The following HDC variants were observed in gnomAD, a reference collection of about 807,000 sequenced individuals.
The protein encoded by HDC is histidine decarboxylase.
HDC carries 27 observed loss-of-function variants against 64.4 expected under a neutral mutation model. That is an observed-to-expected ratio of 0.42 (90% CI 0.31 to 0.58). The LOEUF (loss-of-function observed/expected upper bound fraction) is 0.58, where lower values mean the gene tolerates loss of function less well. HDC is among the 20% of genes least tolerant of loss of function. The pLI is 0.16. For missense variants in HDC, 711 were observed against 833.9 expected, an observed-to-expected ratio of 0.85 and a Z score of 1.81; for synonymous variants, 305 against 314.2, an observed-to-expected ratio of 0.97 and a Z score of 0.31.
intron 4 of HDC, 124 bp downstream of exon 4, chr15:50,257,301 G>A (rs1406091756): frequency 5.1e-6 from 6 of 1,172,086 alleles, no homozygotes; most frequent in South Asian, 1.2e-5. Context: ...GGTGCTGTTG[G>A]TGATGACGGT....
Position 50,254,292 on chromosome 15 carries a change from C to T in HDC, c.577-19G>A, listed in dbSNP as rs1385631841. On this transcript the variant is annotated intron_variant, in intron 5 of 11. Coordinates refer to ENST00000267845, the MANE Select transcript of HDC (RefSeq NM_002112.4). ...AGTGAGCCTAGAAGGGCCACAGAAA[C>T]CTGTCAGCAAAGAGTCATCCTGGAA... 6.2e-7 allele frequency: 1 copy of T among 1,613,894 alleles called. No homozygotes were observed. The highest frequency in any genetic ancestry group is 1.7e-5 in the Admixed American group (1 of 60,006).
chr15:50,251,961 C>T (rs2140932533), intron 9 of HDC, among the ~76,000 whole-genome samples: 1 of 152,298 alleles, frequency 6.6e-6, no homozygotes, highest in Non-Finnish European at 1.5e-5. Flanking sequence ...TCACACAAGT[C>T]CTGCAGCCCA....
rs868151394 is a variant in HDC at position 50,242,068 on chromosome 15, G to A, written c.*192C>T. The A allele has an allele frequency of 1.6e-6, 1 of 626,304 alleles. No individual in the cohort carries two copies. The highest frequency in any genetic ancestry group is 2.8e-6 in the Non-Finnish European group (1 of 354,404). The allele number at this position is 626,304 out of a possible 1,614,324, so 38.8% of individuals were successfully genotyped here. ...CTGACCAGACTGCTGAACCCATCTG[G>A]ATCATGCTGGCTTAAACTCTTCGTT... On this transcript the variant is annotated 3_prime_UTR_variant, in exon 12 of 12. Coordinates refer to ENST00000267845, the MANE Select transcript of HDC (RefSeq NM_002112.4).
At chr15:50,249,949 T>C (rs529315667) in intron 9 of HDC, among the ~76,000 whole-genome samples, 68 of 152,324 alleles carry the variant, frequency 4.5e-4, no homozygotes, top group Middle Eastern at 3.4e-3. Flanking sequence ...TCAAAAAATC[T>C]GGACGTATAA....
At chr15:50,254,378 G>A (rs2045598592) in intron 5 of HDC, 105 bp from the exon 6 acceptor site, 2 of 1,541,296 alleles carry the variant, frequency 1.3e-6, no homozygotes, top group East Asian at 2.2e-5. Flanking sequence ...ATCATTGGAA[G>A]CTTGTCTTCC....
In HDC at chr15:50,242,778, T is replaced by C. The variant is rs967530205; in HGVS notation, c.1471A>G (p.Ile491Val). ...GCTCTGGCACCCCTGATTTGGGAGA[T>C]GAGGTTCCCAACCCGAGGGCTGGGT... Reference protein sequence around the residue: ...SQPSPRVGNLISQIRGARAWA... With the variant: ...SQPSPRVGNLVSQIRGARAWA... The change falls in exon 12 of 12, where the codon ATC becomes GTC. Residue 491 changes from isoleucine (I) to valine (V), a missense_variant. Coordinates refer to ENST00000267845, the MANE Select transcript of HDC (RefSeq NM_002112.4). 1 of 1,613,878 alleles carries C rather than the reference T, an allele frequency of 6.2e-7. No individual in the cohort carries two copies.
chr15:50,244,285 CTTT>C (rs554623599), intron 10 of HDC, among the ~76,000 whole-genome samples: 1,726 of 104,914 alleles, frequency 0.016, 6 homozygotes, highest in Non-Finnish European at 0.024. Flanking sequence ...AGCTGAACCT[CTTT>C]TTTTTTTTTT....
chr15:50,259,968 C>T (rs1371415690), intron 2 of HDC, among the ~76,000 whole-genome samples: 2 of 151,956 alleles, frequency 1.3e-5, no homozygotes, highest in Non-Finnish European at 2.9e-5. Flanking sequence ...TACCATGAAG[C>T]TAATGAACTT....
intron 4 of HDC, 76 bp downstream of exon 4, chr15:50,257,349 A>C (rs2045645115): frequency 6.3e-7 from 1 of 1,588,856 alleles, no homozygotes; most frequent in Non-Finnish European, 8.6e-7. Flanking sequence ...AGAACGGGAG[A>C]ATTGCCAGGT....
intron 10 of HDC, 34 bp from the exon 11 acceptor site, chr15:50,243,278 A>G (rs201144545): frequency 7.5e-7 from 1 of 1,340,488 alleles, no homozygotes; most frequent in African/African-American, 1.4e-5. Flanking sequence ...ACTGAGATTA[A>G]TCATCAGACA....
chr15:50,265,520 A>G, intron 1 of HDC, 73 bp downstream of exon 1: 1 of 1,393,376 alleles, frequency 7.2e-7, no homozygotes, highest in South Asian at 1.2e-5. Flanking sequence ...CCCAGAATCT[A>G]AGGGCCACCC....
chr15:50,246,079 G>A (rs1319597411), intron 10 of HDC, among the ~76,000 whole-genome samples: 1 of 152,112 alleles, frequency 6.6e-6, no homozygotes, highest in Non-Finnish European at 1.5e-5. Context: ...AAGCAGCCCA[G>A]AACTATGAAG....
Position 50,248,156 on chromosome 15 carries a change from A to T in HDC, c.1140+89T>A. The T allele has an allele frequency of 1.1e-6, 1 of 879,466 alleles. No homozygotes were observed. Among genetic ancestry groups the T allele is most frequent in the Non-Finnish European group, 1.9e-6 (1 of 529,816 alleles). The allele number at this position is 879,466 out of a possible 1,614,324, so 54.5% of individuals were successfully genotyped here. A position where few individuals can be genotyped will look rare whatever the true frequency, so the allele number is the denominator to read the frequency against. ...CTGAACCACACACCGCAAGTCTCCT[A>T]GGCAGATCTGCAAAGTAGAAACCAG... On this transcript the variant is annotated intron_variant, in intron 10 of 11. Coordinates refer to ENST00000267845, the MANE Select transcript of HDC (RefSeq NM_002112.4). This position sits in a 1 kb window ranked among gnomAD's most constrained non-coding sequence, Gnocchi z 4.3.
intron 4 of HDC, among the ~76,000 whole-genome samples, chr15:50,254,964 G>C (rs897382606): frequency 1.3e-5 from 2 of 152,104 alleles, no homozygotes; most frequent in Non-Finnish European, 2.9e-5. Context: ...AGAATGTTCT[G>C]TCCCTCCTGG....
chr15:50,253,498 A>G, intron 7 of HDC, 102 bp downstream of exon 7: 1 of 1,060,182 alleles, frequency 9.4e-7, no homozygotes, highest in Non-Finnish European at 1.5e-6. Flanking sequence ...TTGACCAAAG[A>G]GGAACAAGAA....
rs1360506689 is a variant in HDC, at chr15:50,263,359, T to C, written c.80A>G (p.Glu27Gly). 1.9e-6 allele frequency: 3 copies of C among 1,614,160 alleles called. No individual in the cohort carries two copies. The Admixed American group carries it at 5.0e-5, about 27-fold the overall frequency. The change falls in exon 2 of 12, where the codon GAG becomes GGG. Residue 27 changes from glutamate (E) to glycine (G), a missense_variant. Physicochemically the swap from Glu to Gly is moderately conservative, Grantham distance 98. This residue lies in a region of HDC where 225 missense variants were observed against 276.2 expected (regional missense o/e 0.81). Transcript: ENST00000267845. ...YICQYLSTVR[E>G]RRVTPDVQPG... ...CTGCACGTCTGGCGTCACACGTCTC[T>C]CCCGCACAGTGCTCAGGTACTGGCA...
At position 50,242,278 on chromosome 15, in the gene HDC, A is replaced by T; in HGVS notation, c.1971T>A (p.Pro657=). 1.9e-6 allele frequency: 3 copies of T among 1,614,106 alleles called. No homozygotes were observed. Among genetic ancestry groups the T allele is most frequent in the Non-Finnish European group, 2.5e-6 (3 of 1,179,940 alleles). ...SQCGLQLPCC[P]LQAMV is the part of the protein sequence containing the mutation. ...CCTGTGTCTAAACCATGGCCTGCAG[A>T]GGGCAACAGGGCAGCTGGAGTCCAC... Residue 657 remains proline, a synonymous_variant, in exon 12 of 12, where the codon CCT becomes CCA. Transcript: ENST00000267845.
At chr15:50,247,977 C>T (rs2045504460) in intron 10 of HDC, among the ~76,000 whole-genome samples, 1 of 152,182 alleles carries the variant, frequency 6.6e-6, no homozygotes, top group Admixed American at 6.5e-5. Flanking sequence ...GACTCTGGGG[C>T]CAACCCTCCC....
rs750126210 is a variant in HDC at position 50,243,011 on chromosome 15, T to C, written c.1243-5A>G. On this transcript the variant is annotated splice_region_variant and splice_polypyrimidine_tract_variant and intron_variant, in intron 11 of 11. Coordinates refer to ENST00000267845, the MANE Select transcript of HDC (RefSeq NM_002112.4). ...TTCTGTGAGACAATTAGGACCCTGT[T>C]TGAAAAATAAAGGAAGTGAAGTCTC... 3.7e-6 allele frequency: 6 copies of C among 1,614,102 alleles called. No homozygotes were observed. Among genetic ancestry groups the C allele is most frequent in the Non-Finnish European group, 4.2e-6 (5 of 1,180,032 alleles).
Sources: gnomAD v4.1 joint callset for allele counts (sites outside exome capture counted in the v4.1 genomes callset) on GRCh38, gnomAD v4.1.1 for gene constraint, gnomAD v4.1.1 regional missense constraint, Gnocchi (gnomAD v3.1) non-coding constraint, MANE v1.5 for transcripts, NCBI Gene and HGNC (gene_info 2026-07-23, HGNC 2026-07-21) for gene names.